The following UBASH3B variants were observed in gnomAD, a reference collection of about 807,000 sequenced individuals.
UBASH3B encodes the protein ubiquitin associated and SH3 domain containing B.
A neutral mutation model predicts 83.4 loss-of-function variants in UBASH3B; 37 were observed. The ratio of observed to expected loss-of-function variants is 0.44; its 90% confidence interval spans 0.34 to 0.58. The LOEUF is 0.58. Ranked by LOEUF, UBASH3B falls within the 20% of genes least tolerant of loss-of-function variation. The probability of loss-of-function intolerance (pLI) is 0.01; values close to 1 mark genes in which losing one functional copy is unlikely to be tolerated. For synonymous variants in UBASH3B, 304 were observed against 318.3 expected, an observed-to-expected ratio of 0.96 and a Z score of 0.48; for missense variants, 657 against 827.2, an observed-to-expected ratio of 0.79 and a Z score of 2.52.
chr11:122,740,927 T>C (rs2135959894), intron 1 of UBASH3B, among the ~76,000 whole-genome samples: 1 of 152,328 alleles, frequency 6.6e-6, no homozygotes, highest in East Asian at 1.9e-4. Context: ...TGGGACATAA[T>C]GTGTACATAA....
At chr11:122,799,487 C>CAA (rs34917484) in intron 10 of UBASH3B, among the ~76,000 whole-genome samples, 1,110 of 107,924 alleles carry the variant, frequency 0.01, 11 homozygotes, top group Non-Finnish European at 0.015. Flanking sequence ...AACTCCATCT[C>CAA]AAAAAAAAAA....
chr11:122,678,952 C>A (rs2135907040), intron 1 of UBASH3B, among the ~76,000 whole-genome samples: 1 of 152,262 alleles, frequency 6.6e-6, no homozygotes, highest in Admixed American at 6.5e-5. Flanking sequence ...CTGTGCTTGG[C>A]TGCTGGATAT....
intron 1 of UBASH3B, among the ~76,000 whole-genome samples, chr11:122,667,100 A>G (rs908821058): frequency 2.1e-5 from 3 of 140,400 alleles, no homozygotes; most frequent in Non-Finnish European, 4.5e-5. Context: ...CTGGAGTGCA[A>G]TGTTGTGATC....
chr11:122,728,557 T>C (rs931398546), intron 1 of UBASH3B, among the ~76,000 whole-genome samples: 3 of 152,216 alleles, frequency 2.0e-5, no homozygotes, highest in Admixed American at 2.0e-4. Flanking sequence ...CCATTGAACA[T>C]CTCCCTATTT....
At chr11:122,659,902 C>T (rs897939840) in intron 1 of UBASH3B, among the ~76,000 whole-genome samples, 1 of 152,130 alleles carries the variant, frequency 6.6e-6, no homozygotes, top group Non-Finnish European at 1.5e-5. Flanking sequence ...GGCACTCAGG[C>T]CAGGCTCTTG....
At chr11:122,719,279 C>T (rs561755690) in intron 1 of UBASH3B, among the ~76,000 whole-genome samples, 6 of 152,284 alleles carry the variant, frequency 3.9e-5, no homozygotes, top group Middle Eastern at 3.4e-3. Context: ...GGTTTAGATA[C>T]CCATGTCCAC....
rs1265064453 is a variant in UBASH3B, at chr11:122,663,686, T to C, written c.161+7476T>C. Among the ~76,000 whole-genome samples, 5 of 152,224 alleles carry C rather than the reference T, an allele frequency of 3.3e-5. No homozygotes were observed. In the South Asian group the frequency reaches 8.3e-4, roughly 25 times the overall value. ...AGCCTGTGTAAGGGTATCTCCTTTC[T>C]TGGCCATCCAGAAGCTGAAGAGACC... On this transcript the variant is annotated intron_variant, in intron 1 of 13. Coordinates refer to ENST00000284273, the MANE Select transcript of UBASH3B (RefSeq NM_032873.5).
intron 1 of UBASH3B, among the ~76,000 whole-genome samples, chr11:122,745,860 G>A (rs769466483): frequency 3.5e-4 from 54 of 152,158 alleles, no homozygotes; most frequent in Non-Finnish European, 7.5e-4. Flanking sequence ...CTCCCGATAG[G>A]TGACCCACCT....
intron 1 of UBASH3B, among the ~76,000 whole-genome samples, chr11:122,691,829 C>T (rs78819323): frequency 0.012 from 1,858 of 152,104 alleles, 36 homozygotes; most frequent in African/African-American, 0.04. Flanking sequence ...CCATTTGTGA[C>T]GGGGTTCTGT....
chr11:122,781,795 A>C (rs1860861290), intron 4 of UBASH3B, among the ~76,000 whole-genome samples: 1 of 152,228 alleles, frequency 6.6e-6, no homozygotes, highest in Non-Finnish European at 1.5e-5. Flanking sequence ...ATTCATGTGC[A>C]TTTATTCATT....
intron 1 of UBASH3B, among the ~76,000 whole-genome samples, chr11:122,771,007 G>A (rs951586695): frequency 4.6e-5 from 7 of 152,166 alleles, no homozygotes; most frequent in Non-Finnish European, 7.3e-5. Context: ...CTAAAGTGAC[G>A]CATAAGGCCT....
intron 1 of UBASH3B, among the ~76,000 whole-genome samples, chr11:122,721,020 C>T (rs148255945): frequency 0.12 from 18,652 of 151,762 alleles, 1,226 homozygotes; most frequent in African/African-American, 0.17. Flanking sequence ...CCGAGGTGGG[C>T]AGATCACAAG....
chr11:122,726,879 G>A (rs1565543204), intron 1 of UBASH3B, among the ~76,000 whole-genome samples: 1 of 152,206 alleles, frequency 6.6e-6, no homozygotes, highest in Non-Finnish European at 1.5e-5. Context: ...ACTCCCATGT[G>A]GGAAAGTAAT....
At chr11:122,688,588 A>G (rs1265033725) in intron 1 of UBASH3B, among the ~76,000 whole-genome samples, 2 of 149,638 alleles carry the variant, frequency 1.3e-5, no homozygotes, top group African/African-American at 4.9e-5. Flanking sequence ...CTGGGACTAC[A>G]GACGCCCGCC....
At chr11:122,800,870 G>A (rs926806704) in intron 10 of UBASH3B, among the ~76,000 whole-genome samples, 2 of 152,144 alleles carry the variant, frequency 1.3e-5, no homozygotes, top group African/African-American at 4.8e-5. Flanking sequence ...GCCTCCCAAA[G>A]TGTTGGGATT....
At chr11:122,682,933 C>A (rs995276109) in intron 1 of UBASH3B, among the ~76,000 whole-genome samples, 3 of 152,176 alleles carry the variant, frequency 2.0e-5, no homozygotes, top group African/African-American at 7.2e-5. Context: ...ACTTCCCCAC[C>A]CTCCCCATAT....
At chr11:122,706,538 C>G (rs993627416) in intron 1 of UBASH3B, among the ~76,000 whole-genome samples, 1 of 152,054 alleles carries the variant, frequency 6.6e-6, no homozygotes, top group African/African-American at 2.4e-5. Flanking sequence ...TACCTAGATA[C>G]GAGATTCTTT....
At position 122,702,963 on chromosome 11, in the gene UBASH3B, A is replaced by G. The variant is rs370791934; in HGVS notation, c.161+46753A>G. On this transcript the variant is annotated intron_variant, in intron 1 of 13. Coordinates refer to ENST00000284273, the MANE Select transcript of UBASH3B (RefSeq NM_032873.5). ...GCATTCACTCATCATTTGTTTTCTC[A>G]TTTATTCACTCATTCTATAAACAAA... 2.3e-3 allele frequency among the ~76,000 whole-genome samples: 355 copies of G among 152,230 alleles called. 1 individual carries two copies. The highest frequency in any genetic ancestry group is 8.0e-3 in the African/African-American group (332 of 41,538).
At chr11:122,801,093 G>A in intron 10 of UBASH3B, 95 bp from the exon 11 acceptor site, 3 of 1,469,264 alleles carry the variant, frequency 2.0e-6, no homozygotes, top group South Asian at 1.3e-5. Context: ...GCAGCCAGTA[G>A]GAAAGAGAAT....
Sources: gnomAD v4.1 joint callset for allele counts (sites outside exome capture counted in the v4.1 genomes callset) on GRCh38, gnomAD v4.1.1 for gene constraint, MANE v1.5 for transcripts, NCBI Gene and HGNC (gene_info 2026-07-23, HGNC 2026-07-21) for gene names.